GRIA3: variants seen among roughly 807,000 people sequenced by gnomAD.
The protein encoded by GRIA3 is glutamate ionotropic receptor AMPA type subunit 3.
GRIA3 carries 3 observed loss-of-function variants against 63.0 expected under a neutral mutation model. That is an observed-to-expected ratio of 0.05 (90% confidence interval 0.02 to 0.12). The LOEUF is 0.12. Among genes scored for constraint, GRIA3 ranks in the 10% least tolerant of loss-of-function variants. The pLI, the probability that GRIA3 is intolerant of heterozygous loss-of-function variation, is 1.00. For synonymous variants in GRIA3, 274 were observed against 257.9 expected, an observed-to-expected ratio of 1.06 and a Z score of -0.60; for missense variants, 347 against 700.9, an observed-to-expected ratio of 0.50 and a Z score of 5.70.
At chrX:123,222,054 G>A (rs2044222359) in intron 2 of GRIA3, among the ~76,000 whole-genome samples, 1 of 111,158 alleles carries the variant, frequency 9.0e-6, no homozygotes, top group Non-Finnish European at 1.9e-5. Flanking sequence ...CATTTCATTG[G>A]TCAATAAGGG....
At chrX:123,260,418 C>A (rs57783121) in intron 3 of GRIA3, among the ~76,000 whole-genome samples, 168 of 5,337 alleles carry the variant, frequency 0.031, 21 homozygotes, top group South Asian at 0.1. Flanking sequence ...GACAGACAGA[C>A]AGACAGACAG....
chrX:123,310,542 A>G (rs1011446423), intron 3 of GRIA3, among the ~76,000 whole-genome samples: 3 of 113,196 alleles, frequency 2.7e-5, no homozygotes, highest in African/African-American at 9.6e-5. Context: ...TCTTTGCTTT[A>G]TGCTCCACAG....
In GRIA3 at chrX:123,184,361, AG is replaced by A; in HGVS notation, c.-173del. 4 of 482,999 alleles carry A rather than the reference AG, an allele frequency of 8.3e-6. No homozygotes were observed. The highest frequency in any genetic ancestry group is 6.2e-5 in the Admixed American group (2 of 32,095). 39.8% of individuals were successfully genotyped at this position (482,999 alleles called of 1,213,427 possible). A position where few individuals can be genotyped will look rare whatever the true frequency, so the allele number is the denominator to read the frequency against. On this transcript the variant is annotated 5_prime_UTR_variant, in exon 1 of 16. Coordinates refer to ENST00000620443, the MANE Select transcript of GRIA3 (RefSeq NM_007325.5). ...GAGAGAGAAGAAGAGGAAGAAGAGG[AG>A]GCGGCGGCAGCGGAGGAGGAGGAGG...
In GRIA3 at chrX:123,184,451, A is replaced by C; in HGVS notation, c.-85A>C. The C allele has an allele frequency of 1.4e-6, 1 of 719,897 alleles. No individual in the cohort carries two copies. The highest frequency in any genetic ancestry group is 2.2e-6 in the Non-Finnish European group (1 of 447,917). 59.3% of individuals were successfully genotyped at this position (719,897 alleles called of 1,213,427 possible). ...GTTAAGGGGAGGGGGTGTAAGAGCC[A>C]GCGAATTCTTTTTCTTTTTCTATTA... On this transcript the variant is annotated 5_prime_UTR_variant, in exon 1 of 16. Coordinates refer to ENST00000620443, the MANE Select transcript of GRIA3 (RefSeq NM_007325.5).
chrX:123,465,583 G>A (rs1284970486), intron 13 of GRIA3: 7 of 678,455 alleles, frequency 1.0e-5, no homozygotes, highest in Non-Finnish European at 1.7e-5. Context: ...GTGAAATTTA[G>A]CCAATTTGTC....
chrX:123,283,688 C>T (rs369383534), intron 3 of GRIA3, among the ~76,000 whole-genome samples: 2 of 112,294 alleles, frequency 1.8e-5, no homozygotes, highest in East Asian at 2.8e-4. Context: ...AACCAGACTC[C>T]CTCTCTAGAT....
At position 123,398,952 on chromosome X, in the gene GRIA3, T is replaced by G. The variant is rs144368962; in HGVS notation, c.1080+149T>G. 422 of 456,342 alleles carry G rather than the reference T, an allele frequency of 9.2e-4. 3 individuals are homozygous for G. The highest frequency in any genetic ancestry group is 5.9e-3 in the Middle Eastern group (10 of 1,682). The allele number at this position is 456,342 out of a possible 1,213,427, so 37.6% of individuals were successfully genotyped here. On this transcript the variant is annotated intron_variant, in intron 7 of 15. Transcript: ENST00000620443. ...ATGCAAAGAGGATAAGTATAGCCAT[T>G]TCTATAAATCATCCAAACCTAGAAA... is the stretch of plus-strand genomic sequence containing the variant.
Position 123,253,465 on chromosome X carries a change from C to G in GRIA3, c.431C>G (p.Ala144Gly). 1 of 1,207,476 alleles carries G rather than the reference C, an allele frequency of 8.3e-7. No individual in the cohort carries two copies. The highest frequency in any genetic ancestry group is 1.1e-6 in the Non-Finnish European group (1 of 891,949). Residue 144 changes from alanine (A) to glycine (G), a missense_variant, in exon 3 of 16, where the codon GCC becomes GGC. Ala to Gly is a moderately conservative substitution (Grantham distance 60, BLOSUM62 0). This residue lies in a region of GRIA3 where 113 missense variants were observed against 130.6 expected (regional missense o/e 0.87). Transcript: ENST00000620443. The stretch of plus-strand genomic sequence containing the variant: ...CAGTTTGTCATCCAGATGCGCCCAG[C>G]CTTGAAGGGCGCTATTCTGAGTCTT... The part of the protein sequence containing the change: ...DVQFVIQMRP[A>G]LKGAILSLLG...
rs777648498 is a variant in GRIA3, at chrX:123,408,016, C to T, written c.1500+3102C>T. 7.1e-4 allele frequency among the ~76,000 whole-genome samples: 79 copies of T among 110,958 alleles called. 2 individuals are homozygous for T. The highest frequency in any genetic ancestry group is 2.3e-3 in the African/African-American group (69 of 30,504). On this transcript the variant is annotated intron_variant, in intron 10 of 15. Transcript: ENST00000620443. Reference sequence around the variant, plus strand: ...TTGCTCTGTCAACCAGGCTAGAGTGCAGTGGCATGATCTTGGCTCACTGCA... The same window carrying T: ...TTGCTCTGTCAACCAGGCTAGAGTGTAGTGGCATGATCTTGGCTCACTGCA...
At chrX:123,352,555 G>A (rs1200130684) in intron 4 of GRIA3, among the ~76,000 whole-genome samples, 4 of 111,680 alleles carry the variant, frequency 3.6e-5, no homozygotes, top group African/African-American at 1.3e-4. Context: ...CAACACTGAT[G>A]TCTTCTATTG....
intron 4 of GRIA3, among the ~76,000 whole-genome samples, chrX:123,344,617 T>C (rs2045031571): frequency 8.9e-6 from 1 of 111,831 alleles, no homozygotes; most frequent in Admixed American, 9.5e-5. Flanking sequence ...CCAATTAAAC[T>C]ACTGGCCCTC....
At chrX:123,264,105 A>G (rs989996735) in intron 3 of GRIA3, among the ~76,000 whole-genome samples, 1 of 112,337 alleles carries the variant, frequency 8.9e-6, no homozygotes, top group Non-Finnish European at 1.9e-5. Flanking sequence ...TTTTGAATCC[A>G]TATTTACCTT....
intron 4 of GRIA3, among the ~76,000 whole-genome samples, chrX:123,333,467 G>T (rs1214976112): frequency 9.0e-6 from 1 of 111,455 alleles, no homozygotes; most frequent in Non-Finnish European, 1.9e-5. Context: ...GGCACTATTG[G>T]GAGAAACAAA....
At chrX:123,215,303 C>A (rs1320844719) in intron 2 of GRIA3, among the ~76,000 whole-genome samples, 1 of 112,018 alleles carries the variant, frequency 8.9e-6, no homozygotes, top group Non-Finnish European at 1.9e-5. Context: ...AACCACTTTA[C>A]CTCTCTGACT....
At chrX:123,335,009 A>G (rs2044965438) in intron 4 of GRIA3, among the ~76,000 whole-genome samples, 1 of 109,439 alleles carries the variant, frequency 9.1e-6, no homozygotes, top group Non-Finnish European at 1.9e-5. Context: ...GAAGCTTGCA[A>G]TCTAGTAGGG....
chrX:123,285,253 A>C (rs1292044300), intron 3 of GRIA3, among the ~76,000 whole-genome samples: 3 of 111,103 alleles, frequency 2.7e-5, no homozygotes, highest in African/African-American at 9.8e-5. Flanking sequence ...TGAAGGAAGC[A>C]CTATATACTG....
rs185474721 is a variant in GRIA3, at chrX:123,303,083, A to G, written c.509-22943A>G. On this transcript the variant is annotated intron_variant, in intron 3 of 15. Transcript: ENST00000620443. ...CTACTGCAACATTTATTTAAAGTAA[A>G]ATTAATGTTAATGCATTTAGATTTT... 4.4e-3 allele frequency among the ~76,000 whole-genome samples: 495 copies of G among 111,480 alleles called. 1 individual carries two copies. The highest frequency in any genetic ancestry group is 0.019 in the South Asian group (50 of 2,669).
chrX:123,387,676 G>A (rs746742683), intron 5 of GRIA3, among the ~76,000 whole-genome samples: 12 of 111,860 alleles, frequency 1.1e-4, no homozygotes, highest in African/African-American at 2.3e-4. Context: ...ATTTTTCTGC[G>A]TCTATTGAGA....
chrX:123,393,259 C>A (rs554064496), intron 5 of GRIA3, among the ~76,000 whole-genome samples: 7 of 111,799 alleles, frequency 6.3e-5, no homozygotes, highest in Middle Eastern at 4.6e-3. Context: ...GTCTTGTTAT[C>A]CATGGTAAAG....
Sources: gnomAD v4.1 joint callset for allele counts (sites outside exome capture counted in the v4.1 genomes callset) on GRCh38, gnomAD v4.1.1 for gene constraint, gnomAD v4.1.1 regional missense constraint, MANE v1.5 for transcripts, NCBI Gene and HGNC (gene_info 2026-07-23, HGNC 2026-07-21) for gene names.